The following USP11 variants were observed in gnomAD, a reference collection of about 807,000 sequenced individuals.
USP11 encodes ubiquitin carboxyl-terminal hydrolase 11.
USP11 carries 5 observed loss-of-function variants against 72.8 expected under a neutral mutation model. That is an observed-to-expected ratio of 0.07 (90% confidence interval 0.04 to 0.14). The LOEUF (loss-of-function observed/expected upper bound fraction) is 0.14, where lower values mean the gene tolerates loss of function less well. Among genes scored for constraint, USP11 ranks in the 10% least tolerant of loss-of-function variants. The probability of loss-of-function intolerance (pLI) is 1.00; values close to 1 mark genes in which losing one functional copy is unlikely to be tolerated. For missense variants in USP11, 480 were observed against 794.7 expected (o/e 0.60, Z 4.76); for synonymous variants, 368 against 326.5 (o/e 1.13, Z -1.37).
At chrX:47,239,759 C>CGTGT in intron 3 of USP11, 31 bp from the exon 4 acceptor site, 3 of 1,180,484 alleles carry the variant, frequency 2.5e-6, no homozygotes, top group Non-Finnish European at 3.5e-6. Flanking sequence ...TGTGTGAGTA[C>CGTGT]ACCTGTGTCT....
At chrX:47,240,199 A>T (rs2055394818) in intron 4 of USP11, 106 bp from the exon 5 acceptor site, 2 of 1,053,432 alleles carry the variant, frequency 1.9e-6, no homozygotes, top group Admixed American at 5.5e-5. Flanking sequence ...GGACACAGGT[A>T]TTGGCCAAGC....
intron 1 of USP11, among the ~76,000 whole-genome samples, chrX:47,236,216 C>G (rs1266013943): frequency 8.9e-6 from 1 of 112,358 alleles, no homozygotes; most frequent in Non-Finnish European, 1.9e-5. Flanking sequence ...GCCGGTTTGT[C>G]TCTGCTGTCA....
Position 47,244,879 on chromosome X carries a change from T to C in USP11, c.2041T>C (p.Ser681Pro). ...KQLFTLQTVNSNGTSDRTTSP... is the reference protein window; with the variant it reads ...KQLFTLQTVNPNGTSDRTTSP... Reference sequence around the variant, plus strand: ...GCTGTTCACCCTGCAGACGGTGAACTCCAATGGGACCAGCGACCGCACAAC... The same window carrying C: ...GCTGTTCACCCTGCAGACGGTGAACCCCAATGGGACCAGCGACCGCACAAC... The change falls in exon 15 of 21, where the codon TCC becomes CCC. Residue 681 changes from serine to proline, a missense_variant. By Grantham distance (74) the Ser-to-Pro change is moderately conservative. Around this residue, in one of 5 missense-constraint regions of USP11, gnomAD observed 314 missense variants for 556.0 expected, o/e 0.56. Transcript: ENST00000377107. 1 of 1,211,579 alleles carries C rather than the reference T, an allele frequency of 8.3e-7. No individual in the cohort carries two copies. The highest frequency in any genetic ancestry group is 1.8e-5 in the South Asian group (1 of 56,975).
intron 1 of USP11, chrX:47,233,483 G>T: frequency 2.0e-6 from 2 of 1,009,126 alleles, no homozygotes; most frequent in East Asian, 3.9e-5. Flanking sequence ...TTCGGTCCTG[G>T]AGGTGGGGCC....
chrX:47,243,080 G>A (rs1029661535), intron 12 of USP11, among the ~76,000 whole-genome samples: 1 of 111,053 alleles, frequency 9.0e-6, no homozygotes, highest in South Asian at 3.8e-4. Context: ...TGGCTAACAC[G>A]GTGAAACCCC....
Position 47,247,783 on chromosome X carries a change from C to A in USP11, c.2626-10C>A. The stretch of plus-strand genomic sequence containing the variant: ...CACAATCCACACTGACTCCTGTCCT[C>A]TCCCCACAGTCCAAGGCAGCCTATG... On this transcript the variant is annotated splice_polypyrimidine_tract_variant and intron_variant, in intron 20 of 20. Coordinates refer to ENST00000377107, the MANE Select transcript of USP11 (RefSeq NM_001371072.1). 8.3e-7 allele frequency: 1 copy of A among 1,208,655 alleles called. No homozygotes were observed.
chrX:47,237,232 C>T (rs1418748851), intron 1 of USP11, among the ~76,000 whole-genome samples: 2 of 111,542 alleles, frequency 1.8e-5, no homozygotes, highest in African/African-American at 6.5e-5. Flanking sequence ...GCAAGTAAAG[C>T]CACAAAGGGT....
At chrX:47,238,434 C>T (rs2055385368) in intron 1 of USP11, among the ~76,000 whole-genome samples, 1 of 104,907 alleles carries the variant, frequency 9.5e-6, no homozygotes, top group African/African-American at 3.5e-5. Flanking sequence ...GTGATCCACC[C>T]GTCTTGACCT....
chrX:47,241,148 C>G (rs1228911624), intron 7 of USP11, 129 bp from the exon 8 acceptor site: 8 of 700,276 alleles, frequency 1.1e-5, no homozygotes, highest in Non-Finnish European at 1.7e-5. Context: ...CTCTCCTGCT[C>G]CTCTCTCTCC....
At chrX:47,243,212 G>A (rs1035773754) in intron 12 of USP11, among the ~76,000 whole-genome samples, 184 bp from the exon 13 acceptor site, 8 of 112,305 alleles carry the variant, frequency 7.1e-5, no homozygotes, top group Non-Finnish European at 1.3e-4. Context: ...GCAGTGAGCC[G>A]AGATCGTGCC....
rs2147356292 is a variant in USP11 at position 47,247,718 on chromosome X, C to T, written c.2625+19C>T. 8.3e-7 allele frequency: 1 copy of T among 1,209,954 alleles called. No homozygotes were observed. The highest frequency in any genetic ancestry group is 1.1e-6 in the Non-Finnish European group (1 of 894,522). On this transcript the variant is annotated intron_variant, in intron 20 of 20. Coordinates refer to ENST00000377107, the MANE Select transcript of USP11 (RefSeq NM_001371072.1). ...GATCGAGGTGTGACTTCCATCCTAC[C>T]TCCTCCCCTTCTTCCTTTCTGATTC...
intron 11 of USP11, 48 bp from the exon 12 acceptor site, chrX:47,242,578 T>G (rs2055409159): frequency 5.0e-6 from 6 of 1,203,796 alleles, no homozygotes; most frequent in African/African-American, 1.8e-5. Flanking sequence ...CAGAAGGGCC[T>G]GGGAGGCCGT....
At chrX:47,238,538 TTA>T (rs1195774601) in intron 1 of USP11, among the ~76,000 whole-genome samples, 2 of 91,448 alleles carry the variant, frequency 2.2e-5, no homozygotes, top group African/African-American at 8.6e-5. Flanking sequence ...AAGGAAAACC[TTA>T]TGATTCTTTT....
At position 47,247,352 on chromosome X, in the gene USP11, T is replaced by C; in HGVS notation, c.2469T>C (p.Asn823=). Residue 823 remains asparagine (N), a synonymous_variant, in exon 19 of 21, where the codon AAT becomes AAC. Transcript: ENST00000377107. ...TCATCCAGCCACAGAATGAGTCGAA[T>C]CCGGAGCTGTACAAATATGACCTCA... ...EFVIQPQNES[N]PELYKYDLIA... The C allele has an allele frequency of 8.3e-7, 1 of 1,211,261 alleles. No individual in the cohort carries two copies. The highest frequency in any genetic ancestry group is 1.1e-6 in the Non-Finnish European group (1 of 895,439).
chrX:47,247,871 G>A lies in USP11; in HGVS notation c.2704G>A (p.Ala902Thr), dbSNP rs1448334466. The change falls in exon 21 of 21, where the codon GCC becomes ACC. Residue 902 changes from alanine (A) to threonine (T), a missense_variant. By Grantham distance (58) the Ala-to-Thr change is moderately conservative (BLOSUM62 0). Transcript: ENST00000377107. ...GCTGTCCCCGGCCGGCTCATCTGGC[G>A]CCCCAGCCTCCCCTGCCTGCAGCTC... is the stretch of plus-strand genomic sequence containing the variant. ...RLLSPAGSSG[A>T]PASPACSSPP... 5.8e-6 allele frequency: 7 copies of A among 1,199,510 alleles called. No individual in the cohort carries two copies. The highest frequency in any genetic ancestry group is 2.3e-5 in the Admixed American group (1 of 43,847).
In USP11 at chrX:47,247,915, C is replaced by A. The variant is rs757577797; in HGVS notation, c.2748C>A (p.Phe916Leu). 1 of 1,184,174 alleles carries A rather than the reference C, an allele frequency of 8.4e-7. No individual in the cohort carries two copies. The highest frequency in any genetic ancestry group is 1.9e-5 in the South Asian group (1 of 53,435). Residue 916 changes from phenylalanine to leucine, a missense_variant, in exon 21 of 21, where the codon TTC (phenylalanine) becomes TTA (leucine). By Grantham distance (22) the Phe-to-Leu change is conservative. Around this residue, in one of 5 missense-constraint regions of USP11, gnomAD observed 314 missense variants for 556.0 expected, o/e 0.56. Coordinates refer to ENST00000377107, the MANE Select transcript of USP11 (RefSeq NM_001371072.1). ...PACSSPPSSEFMDVN is the reference protein window; with the variant it reads ...PACSSPPSSELMDVN ...GCAGCTCCCCACCCAGCTCTGAGTT[C>A]ATGGATGTTAATTGAGAGCCCTGGG...
chrX:47,239,000 G>T, intron 1 of USP11, 70 bp from the exon 2 acceptor site: 1 of 705,426 alleles, frequency 1.4e-6, no homozygotes, highest in East Asian at 3.5e-5. Context: ...TCAGTCTGTT[G>T]GGCATGGGAA....
rs764729140 is a variant in USP11 at position 47,246,562 on chromosome X, G to A, written c.2271-510G>A. On this transcript the variant is annotated intron_variant, in intron 17 of 20. Coordinates refer to ENST00000377107, the MANE Select transcript of USP11 (RefSeq NM_001371072.1). ...AACAAAAATACAAAAAATAGTATGA[G>A]CACATATACAAAAGATAGTAAGCAC... 4.5e-5 allele frequency among the ~76,000 whole-genome samples: 5 copies of A among 111,556 alleles called. No homozygotes were observed. The East Asian group carries it at 1.4e-3, about 31-fold the overall frequency.
At chrX:47,245,817 T>TA (rs1213422368) in intron 17 of USP11, among the ~76,000 whole-genome samples, 2 of 111,433 alleles carry the variant, frequency 1.8e-5, no homozygotes, top group African/African-American at 6.5e-5. Flanking sequence ...GTGCTGGGAT[T>TA]ACAGGCGTGA....
Sources: gnomAD v4.1 joint callset for allele counts (sites outside exome capture counted in the v4.1 genomes callset) on GRCh38, gnomAD v4.1.1 for gene constraint, gnomAD v4.1.1 regional missense constraint, MANE v1.5 for transcripts, NCBI Gene and HGNC (gene_info 2026-07-23, HGNC 2026-07-21) for gene names.